UQCC1: variants seen among roughly 807,000 people sequenced by gnomAD.
The protein encoded by UQCC1 is ubiquinol-cytochrome c reductase complex assembly factor 1.
A neutral mutation model predicts 48.0 loss-of-function variants in UQCC1; 38 were observed. The observed-to-expected ratio is 0.79, with a 90% confidence interval of 0.61 to 1.04. The LOEUF (loss-of-function observed/expected upper bound fraction) is 1.04. UQCC1 is among the 50% of genes least tolerant of loss of function. The pLI is 0.00. For missense variants in UQCC1, 368 were observed against 381.8 expected, an observed-to-expected ratio of 0.96 and a Z score of 0.30; for synonymous variants, 111 against 129.2, an observed-to-expected ratio of 0.86 and a Z score of 0.95.
intron 1 of UQCC1, among the ~76,000 whole-genome samples, chr20:35,395,441 G>C (rs568785559): frequency 6.6e-6 from 1 of 150,928 alleles, no homozygotes; most frequent in East Asian, 1.9e-4. Context: ...GCAACAAAGC[G>C]AGACCCCCAG....
intron 6 of UQCC1, among the ~76,000 whole-genome samples, chr20:35,362,242 T>C (rs532663382): frequency 6.6e-6 from 1 of 152,332 alleles, no homozygotes; most frequent in East Asian, 1.9e-4. Context: ...GTTTTGCTTT[T>C]TCTTGCAGAG....
intron 6 of UQCC1, among the ~76,000 whole-genome samples, chr20:35,361,246 G>C (rs1034120403): frequency 4.6e-4 from 58 of 125,058 alleles, no homozygotes; most frequent in African/African-American, 1.8e-3. Flanking sequence ...AAAACCACTA[G>C]ATCCCTCTAC....
chr20:35,411,873 G>C (rs1376063579), intron 1 of UQCC1, 67 bp downstream of exon 1: 2 of 1,601,948 alleles, frequency 1.2e-6, no homozygotes, highest in Non-Finnish European at 1.7e-6. Context: ...AATTCCTCCC[G>C]CCCTGCCTTG....
At chr20:35,387,423 G>C (rs2061958253) in intron 2 of UQCC1, among the ~76,000 whole-genome samples, 1 of 152,092 alleles carries the variant, frequency 6.6e-6, no homozygotes, top group Admixed American at 6.6e-5. Flanking sequence ...TAAGCTCCAG[G>C]GCACAGCCCA....
chr20:35,387,322 CAG>C (rs1206410420), intron 2 of UQCC1, among the ~76,000 whole-genome samples: 4 of 151,862 alleles, frequency 2.6e-5, no homozygotes, highest in Non-Finnish European at 5.9e-5. Flanking sequence ...ACAAGAATGA[CAG>C]AGGCAGAGAA....
At chr20:35,352,634 T>G (rs2061501788) in intron 6 of UQCC1, among the ~76,000 whole-genome samples, 1 of 152,204 alleles carries the variant, frequency 6.6e-6, no homozygotes, top group Admixed American at 6.5e-5. Context: ...GTCTAGATGA[T>G]CCTGACCTGG....
At chr20:35,338,774 G>A (rs1283218314) in intron 7 of UQCC1, among the ~76,000 whole-genome samples, 1 of 145,888 alleles carries the variant, frequency 6.9e-6, no homozygotes, top group Non-Finnish European at 1.5e-5. Flanking sequence ...GAACCCGGGA[G>A]GTGGAGGTTG....
chr20:35,335,675 GA>G, intron 7 of UQCC1, among the ~76,000 whole-genome samples: 1 of 152,324 alleles, frequency 6.6e-6, no homozygotes, highest in Middle Eastern at 3.4e-3. Context: ...GGGGTAAGGG[GA>G]ACGGGTGTGA....
At chr20:35,316,993 C>T (rs1449094831) in intron 7 of UQCC1, among the ~76,000 whole-genome samples, 2 of 146,778 alleles carry the variant, frequency 1.4e-5, no homozygotes, top group African/African-American at 5.1e-5. Flanking sequence ...TGTAGTGCAG[C>T]GGCATGATCT....
intron 2 of UQCC1, among the ~76,000 whole-genome samples, chr20:35,390,536 A>C (rs1018048360): frequency 6.6e-6 from 1 of 152,172 alleles, no homozygotes; most frequent in Non-Finnish European, 1.5e-5. Context: ...CTGTTGCAAA[A>C]CAATGTGAAT....
At chr20:35,359,879 C>G (rs888137513) in intron 6 of UQCC1, among the ~76,000 whole-genome samples, 3 of 152,144 alleles carry the variant, frequency 2.0e-5, no homozygotes, top group Non-Finnish European at 2.9e-5. Flanking sequence ...GTGTACATGG[C>G]TATCTCCACC....
intron 4 of UQCC1, among the ~76,000 whole-genome samples, chr20:35,377,428 A>T (rs2061814879): frequency 6.6e-6 from 1 of 152,248 alleles, no homozygotes; most frequent in South Asian, 2.1e-4. Flanking sequence ...TAATATCATG[A>T]TCCTAATAAT....
intron 7 of UQCC1, among the ~76,000 whole-genome samples, chr20:35,323,424 A>C (rs1568656275): frequency 6.6e-6 from 1 of 152,248 alleles, no homozygotes. Flanking sequence ...TCCCAGAGCA[A>C]ATCTTTCTCA....
intron 8 of UQCC1, among the ~76,000 whole-genome samples, chr20:35,313,888 G>A (rs751126253): frequency 6.6e-6 from 1 of 152,044 alleles, no homozygotes; most frequent in African/African-American, 2.4e-5. Flanking sequence ...GATTACAGGC[G>A]TGAGCCACTA....
intron 7 of UQCC1, among the ~76,000 whole-genome samples, chr20:35,319,901 A>G (rs1158175246): frequency 1.3e-5 from 2 of 152,218 alleles, no homozygotes; most frequent in Non-Finnish European, 1.5e-5. Flanking sequence ...CAGAGGAACC[A>G]GACTATGTGG....
At chr20:35,327,163 A>C (rs1283740212) in intron 7 of UQCC1, among the ~76,000 whole-genome samples, 1 of 152,216 alleles carries the variant, frequency 6.6e-6, no homozygotes, top group Non-Finnish European at 1.5e-5. Flanking sequence ...ACAGCAATGA[A>C]GAGTGAAAGG....
At chr20:35,305,183 C>G (rs1205829545) in intron 9 of UQCC1, among the ~76,000 whole-genome samples, 1 of 152,216 alleles carries the variant, frequency 6.6e-6, no homozygotes, top group Non-Finnish European at 1.5e-5. Context: ...GCTGGCTCCT[C>G]GAGGGCAGGA....
At chr20:35,400,499 C>CT (rs761826611) in intron 1 of UQCC1, among the ~76,000 whole-genome samples, 5,381 of 141,230 alleles carry the variant, frequency 0.038, 351 homozygotes, top group African/African-American at 0.13. Context: ...AAATTTTTTT[C>CT]TTTTTTTTTT....
chr20:35,322,379 G>C (rs1260566098), intron 7 of UQCC1, among the ~76,000 whole-genome samples: 1 of 152,062 alleles, frequency 6.6e-6, no homozygotes, highest in East Asian at 1.9e-4. Flanking sequence ...CTGCCCTCGA[G>C]GAGCTCACAG....
Sources: gnomAD v4.1 joint callset for allele counts (sites outside exome capture counted in the v4.1 genomes callset) on GRCh38, gnomAD v4.1.1 for gene constraint, MANE v1.5 for transcripts, NCBI Gene and HGNC (gene_info 2026-07-23, HGNC 2026-07-21) for gene names.